Variants in STIM2 observed in about 807,000 individuals in gnomAD.
The protein encoded by STIM2 is stromal interaction molecule 2.
A neutral mutation model predicts 85.8 loss-of-function variants in STIM2; 31 were observed. The ratio of observed to expected loss-of-function variants is 0.36; its 90% CI spans 0.27 to 0.49. The LOEUF is 0.49. Among genes scored for constraint, STIM2 ranks in the 20% least tolerant of loss-of-function variants. The pLI, the probability that STIM2 is intolerant of heterozygous loss-of-function variation, is 0.98. For missense variants in STIM2, 841 were observed against 927.6 expected, an observed-to-expected ratio of 0.91 and a Z score of 1.21; for synonymous variants, 356 against 331.1, an observed-to-expected ratio of 1.08 and a Z score of -0.82.
intron 8 of STIM2, 29 bp downstream of exon 8, chr4:27,007,729 A>C: frequency 6.6e-7 from 1 of 1,518,134 alleles, no homozygotes; most frequent in Non-Finnish European, 8.8e-7. Context: ...AAATTTACTA[A>C]ATTTGTTTCT....
chr4:26,866,884 A>T (rs1722429112), intron 1 of STIM2, among the ~76,000 whole-genome samples: 1 of 152,234 alleles, frequency 6.6e-6, no homozygotes, highest in African/African-American at 2.4e-5. Flanking sequence ...GGTAAAAGGC[A>T]TTTTGAACTT....
chr4:26,957,475 T>C, intron 2 of STIM2, 137 bp from the exon 3 acceptor site: 1 of 475,124 alleles, frequency 2.1e-6, no homozygotes, highest in Non-Finnish European at 3.7e-6. Flanking sequence ...GTAAGAATAA[T>C]GTGACTACAA....
At chr4:26,876,394 C>G (rs1722816614) in intron 1 of STIM2, among the ~76,000 whole-genome samples, 1 of 152,106 alleles carries the variant, frequency 6.6e-6, no homozygotes. Context: ...GTCAAGTGGA[C>G]TTTACCTAGG....
chr4:26,877,944 T>C (rs1033859274), intron 1 of STIM2, among the ~76,000 whole-genome samples: 1 of 152,168 alleles, frequency 6.6e-6, no homozygotes, highest in African/African-American at 2.4e-5. Context: ...GTCTCTCTCT[T>C]TGCCCATCTG....
intron 2 of STIM2, among the ~76,000 whole-genome samples, chr4:26,939,991 TAG>T (rs1725541161): frequency 6.6e-6 from 1 of 152,104 alleles, no homozygotes; most frequent in African/African-American, 2.4e-5. Flanking sequence ...GCACATCTGT[TAG>T]GGGAGCATCA....
At chr4:27,019,604 T>G (rs1728849235) in intron 11 of STIM2, 3 of 673,308 alleles carry the variant, frequency 4.5e-6, no homozygotes, top group Admixed American at 5.5e-5. Flanking sequence ...TGGAAAACTT[T>G]TCTTCCTCTT....
intron 3 of STIM2, among the ~76,000 whole-genome samples, chr4:26,992,970 C>A (rs1727818292): frequency 6.6e-6 from 1 of 152,028 alleles, no homozygotes; most frequent in East Asian, 1.9e-4. Flanking sequence ...TGTTCTTTTT[C>A]ATTTGATTTT....
intron 1 of STIM2, among the ~76,000 whole-genome samples, chr4:26,887,183 C>CTTTTTTTTTTTT (rs34736602): frequency 2.8e-5 from 2 of 70,940 alleles, no homozygotes; most frequent in African/African-American, 5.7e-5. Flanking sequence ...AATAATTAAA[C>CTTTTTTTTTTTT]TTTTTTTTTT....
intron 8 of STIM2, 39 bp downstream of exon 8, chr4:27,007,739 T>A: frequency 6.7e-7 from 1 of 1,491,998 alleles, no homozygotes; most frequent in Non-Finnish European, 8.9e-7. Context: ...AATTTGTTTC[T>A]TAGGCTGCAT....
At chr4:27,007,949 C>A in intron 8 of STIM2, 1 of 723,964 alleles carries the variant, frequency 1.4e-6, no homozygotes, top group South Asian at 1.5e-5. Context: ...TTATCATTAT[C>A]ATAAAAGTTT....
chr4:26,885,189 T>C (rs866817506), intron 1 of STIM2, among the ~76,000 whole-genome samples: 65 of 152,296 alleles, frequency 4.3e-4, no homozygotes, highest in Middle Eastern at 6.8e-3. Context: ...ATTGCTGTAA[T>C]ATCTAGTTTT....
chr4:27,021,066 A>G, intron 11 of STIM2: 1 of 1,536,644 alleles, frequency 6.5e-7, no homozygotes, highest in Non-Finnish European at 8.7e-7. Context: ...TCAAAAAAAA[A>G]AAGTGAGTAA....
intron 1 of STIM2, chr4:26,874,234 GGGTCT>G (rs1722733897): frequency 2.3e-6 from 1 of 438,620 alleles, no homozygotes; most frequent in South Asian, 1.8e-5. Context: ...GCTGCGGCAG[GGGTCT>G]CCTGGATGGC....
At chr4:26,878,433 G>C (rs1040465350) in intron 1 of STIM2, among the ~76,000 whole-genome samples, 43 of 152,222 alleles carry the variant, frequency 2.8e-4, no homozygotes, top group African/African-American at 1.0e-3. Context: ...GAGGGTCTCT[G>C]TGTCCTTGAA....
intron 10 of STIM2, among the ~76,000 whole-genome samples, chr4:27,015,080 T>C (rs1181835746): frequency 3.3e-5 from 5 of 152,138 alleles, no homozygotes; most frequent in Middle Eastern, 6.8e-3. Context: ...AAAATAGCAG[T>C]AACTGGTTTT....
At chr4:26,876,329 A>G (rs1430380089) in intron 1 of STIM2, among the ~76,000 whole-genome samples, 1 of 152,192 alleles carries the variant, frequency 6.6e-6, no homozygotes, top group Non-Finnish European at 1.5e-5. Context: ...CCACTTAGGT[A>G]GGTCTTTGGA....
At chr4:26,891,558 TAC>T (rs71643700) in intron 1 of STIM2, among the ~76,000 whole-genome samples, 6,202 of 144,440 alleles carry the variant, frequency 0.043, 235 homozygotes, top group African/African-American at 0.099. Context: ...TATACATACA[TAC>T]ACACACACAC....
chr4:26,981,983 G>C (rs1050512546), intron 3 of STIM2, among the ~76,000 whole-genome samples: 2 of 148,596 alleles, frequency 1.3e-5, no homozygotes, highest in African/African-American at 4.9e-5. Context: ...TTTTTTTTTG[G>C]TGGAGAGATA....
At chr4:26,866,612 TG>T (rs1722417972) in intron 1 of STIM2, among the ~76,000 whole-genome samples, 1 of 152,088 alleles carries the variant, frequency 6.6e-6, no homozygotes, top group African/African-American at 2.4e-5. Context: ...TGTAGAGTAG[TG>T]GGGAATGCAA....
Sources: gnomAD v4.1 joint callset for allele counts (sites outside exome capture counted in the v4.1 genomes callset) on GRCh38, gnomAD v4.1.1 for gene constraint, MANE v1.5 for transcripts, NCBI Gene and HGNC (gene_info 2026-07-23, HGNC 2026-07-21) for gene names.